Variants in TSPEAR observed in about 807,000 individuals in gnomAD.
TSPEAR encodes the protein thrombospondin type laminin G domain and EAR repeats.
Under a neutral mutation model 71.6 loss-of-function variants are expected in TSPEAR, and 69 were observed. The observed-to-expected ratio is 0.96, with a 90% CI of 0.79 to 1.18. TSPEAR has a LOEUF of 1.18. TSPEAR is among the 50% of genes most tolerant of loss of function. The pLI is 0.00. For synonymous variants in TSPEAR, 402 were observed against 387.2 expected (o/e 1.04, Z -0.45); for missense variants, 971 against 894.9 (o/e 1.09, Z -1.09).
At chr21:44,527,611 A>C (rs1055583755) in intron 6 of TSPEAR, 93 bp from the exon 7 acceptor site, 1 of 1,183,150 alleles carries the variant, frequency 8.5e-7, no homozygotes, top group Admixed American at 1.9e-5. Context: ...GCCCCAAGTC[A>C]CAAGCCACGA....
At chr21:44,573,605 C>G (rs1978293311) in intron 1 of TSPEAR, 1 of 1,312,090 alleles carries the variant, frequency 7.6e-7, no homozygotes, top group South Asian at 1.4e-5. Context: ...GCTGTACACC[C>G]CAACAAGGAA....
chr21:44,697,989 G>A, intron 1 of TSPEAR: 1 of 1,573,028 alleles, frequency 6.4e-7, no homozygotes, highest in Non-Finnish European at 8.6e-7. Context: ...TGTCCCCCAG[G>A]GCCACTGGGC....
At position 44,517,990 on chromosome 21, in the gene TSPEAR, C is replaced by A. The variant is rs587601426; in HGVS notation, c.1566+3893G>T. ...CTTTGGTTAGCCAGATACAGACTCT[C>A]CTGGTTTGATTCTGTCTCTTTTCAT... On this transcript the variant is annotated intron_variant, in intron 9 of 11. Transcript: ENST00000323084. Among the ~76,000 whole-genome samples, 15 of 152,322 alleles carry A rather than the reference C, an allele frequency of 9.8e-5. No individual in the cohort carries two copies. The South Asian group carries it at 2.9e-3, about 29-fold the overall frequency.
rs73907038 is a variant in TSPEAR at position 44,592,490 on chromosome 21, G to A, written c.83-24485C>T. 6,874 of 1,604,068 alleles carry A rather than the reference G, an allele frequency of 4.3e-3. 250 individuals are homozygous for A. The African/African-American group carries it at 0.081, about 19-fold the overall frequency. On this transcript the variant is annotated intron_variant, in intron 1 of 11. Transcript: ENST00000323084. ...GACATGGTGGACGCGGCCATGCTGGGGTTGAACTGGTGGAGGGTGAGGGAG... is the reference window on the plus strand; with the variant it reads ...GACATGGTGGACGCGGCCATGCTGGAGTTGAACTGGTGGAGGGTGAGGGAG...
At chr21:44,658,373 C>A in intron 1 of TSPEAR, 2 of 1,138,530 alleles carry the variant, frequency 1.8e-6, no homozygotes, top group Non-Finnish European at 1.3e-6. Context: ...AAAGCATGCC[C>A]AAGGAAACCT....
chr21:44,544,068 T>G (rs2053263381), intron 2 of TSPEAR, among the ~76,000 whole-genome samples: 1 of 152,200 alleles, frequency 6.6e-6, no homozygotes, highest in African/African-American at 2.4e-5. Flanking sequence ...GTCCTGCCCA[T>G]CAGATGTATC....
intron 1 of TSPEAR, chr21:44,573,676 C>T (rs2076256051): frequency 1.9e-6 from 3 of 1,560,274 alleles, no homozygotes; most frequent in African/African-American, 2.7e-5. Context: ...ATAAAAGCCC[C>T]ACAAACCCGA....
In TSPEAR at chr21:44,499,818, G is replaced by A; in HGVS notation, c.1975C>T (p.Pro659Ser). ...AYLIYSSAKE[P>S]LSRVLRLRTR ...CTCAGCCGCAGGACCCTGGAGAGGG[G>A]CTCCTTGGCGCTGGAGTAGATGAGG... The change falls in exon 12 of 12, where the codon CCC (proline) becomes TCC (serine). Residue 659 changes from proline to serine, a missense_variant. Pro to Ser is a moderately conservative substitution (Grantham distance 74). Coordinates refer to ENST00000323084, the MANE Select transcript of TSPEAR (RefSeq NM_144991.3). The A allele has an allele frequency of 7.0e-6, 11 of 1,580,024 alleles. No individual in the cohort carries two copies. The highest frequency in any genetic ancestry group is 9.4e-6 in the Non-Finnish European group (11 of 1,164,244).
intron 9 of TSPEAR, among the ~76,000 whole-genome samples, chr21:44,511,329 G>A (rs1319122656): frequency 6.6e-6 from 1 of 151,978 alleles, no homozygotes; most frequent in Non-Finnish European, 1.5e-5. Context: ...CTGCATGCAT[G>A]CATACACACA....
At chr21:44,542,757 AAG>A (rs1555917332) in intron 2 of TSPEAR, among the ~76,000 whole-genome samples, 1 of 149,732 alleles carries the variant, frequency 6.7e-6, no homozygotes, top group African/African-American at 2.5e-5. Flanking sequence ...AAAAAAAAAA[AAG>A]AAAAAGAAAA....
intron 1 of TSPEAR, among the ~76,000 whole-genome samples, chr21:44,699,161 C>T (rs2146325699): frequency 6.6e-6 from 1 of 152,208 alleles, no homozygotes; most frequent in East Asian, 1.9e-4. Context: ...TGTACCACTG[C>T]ACTCCAGCCT....
intron 1 of TSPEAR, among the ~76,000 whole-genome samples, chr21:44,613,832 G>A (rs1314907751): frequency 6.6e-6 from 1 of 152,102 alleles, no homozygotes; most frequent in Non-Finnish European, 1.5e-5. Flanking sequence ...CCTGAAATGT[G>A]TGTCCTTCAC....
At position 44,567,768 on chromosome 21, in the gene TSPEAR, C is replaced by G; in HGVS notation, c.303+17G>C. ...AATTACGCTATTATAACACGAAGTGCAGAAAGTGCCACTGACCTTGGGTGG... is the reference window on the plus strand; with the variant it reads ...AATTACGCTATTATAACACGAAGTGGAGAAAGTGCCACTGACCTTGGGTGG... On this transcript the variant is annotated intron_variant, in intron 2 of 11. Transcript: ENST00000323084. 2 of 1,542,102 alleles carry G rather than the reference C, an allele frequency of 1.3e-6. No individual in the cohort carries two copies. Among genetic ancestry groups the G allele is most frequent in the Admixed American group, 3.9e-5 (2 of 51,794 alleles).
Position 44,601,085 on chromosome 21 carries a change from G to A in TSPEAR, c.83-33080C>T, listed in dbSNP as rs782794413. The A allele has an allele frequency of 5.0e-5, 80 of 1,609,670 alleles. No individual in the cohort carries two copies. In the East Asian group the frequency reaches 1.6e-3, roughly 32 times the overall value. On this transcript the variant is annotated intron_variant, in intron 1 of 11. Transcript: ENST00000323084. ...ACCTCCTCCCCCTGCCAGCAGGCCT[G>A]CTGTGTGCCCATCTGCTGCAAGCCT...
intron 2 of TSPEAR, among the ~76,000 whole-genome samples, chr21:44,545,312 T>C (rs2053285483): frequency 6.6e-6 from 1 of 150,500 alleles, no homozygotes; most frequent in South Asian, 2.1e-4. Flanking sequence ...AGCAAGACTC[T>C]GTCTCAAAAA....
At chr21:44,639,274 G>A (rs1983880483) in intron 1 of TSPEAR, among the ~76,000 whole-genome samples, 1 of 152,216 alleles carries the variant, frequency 6.6e-6, no homozygotes, top group Non-Finnish European at 1.5e-5. Context: ...TGCCACGTCG[G>A]GGAAGTGGCA....
At position 44,593,867 on chromosome 21, in the gene TSPEAR, C is replaced by G. The variant is rs1456291823; in HGVS notation, c.83-25862G>C. ...GTTCAAACGACTGCAGCTCATCCAC[C>G]AGCAGATGCCAACTGACCACGTTCC... On this transcript the variant is annotated intron_variant, in intron 1 of 11. Transcript: ENST00000323084. This position sits in a 1 kb window ranked among gnomAD's most constrained non-coding sequence, Gnocchi z 5.9. 2.0e-5 allele frequency among the ~76,000 whole-genome samples: 3 copies of G among 152,196 alleles called. No homozygotes were observed. Among genetic ancestry groups the G allele is most frequent in the African/African-American group, 7.2e-5 (3 of 41,442 alleles).
chr21:44,654,087 G>A, intron 1 of TSPEAR: 1 of 607,740 alleles, frequency 1.6e-6, no homozygotes, highest in Non-Finnish European at 3.0e-6. Context: ...TGTGAACCCA[G>A]GAGAAACTGT....
intron 1 of TSPEAR, chr21:44,658,069 C>T (rs1985261585): frequency 1.2e-6 from 2 of 1,614,024 alleles, no homozygotes; most frequent in East Asian, 2.2e-5. Flanking sequence ...CCGTGAGCTG[C>T]CAGTCCTCCG....
Sources: allele counts gnomAD v4.1 joint callset (sites outside exome capture counted in the v4.1 genomes callset), GRCh38; gene constraint gnomAD v4.1.1; non-coding constraint Gnocchi (gnomAD v3.1); transcripts MANE v1.5; gene names NCBI Gene and HGNC (gene_info 2026-07-23, HGNC 2026-07-21).